PIK3R6: variants seen among roughly 807,000 people sequenced by gnomAD.
PIK3R6 encodes phosphoinositide 3-kinase regulatory subunit 6.
A neutral mutation model predicts 84.9 loss-of-function variants in PIK3R6; 91 were observed. That is an observed-to-expected ratio of 1.07 (90% CI 0.90 to 1.28). The LOEUF (loss-of-function observed/expected upper bound fraction) is 1.28, where lower values mean the gene tolerates loss of function less well. Ranked by LOEUF, PIK3R6 falls within the 50% of genes most tolerant of loss-of-function variation. The pLI is 0.00. For synonymous variants in PIK3R6, 416 were observed against 411.4 expected, an observed-to-expected ratio of 1.01 and a Z score of -0.13; for missense variants, 996 against 985.1, an observed-to-expected ratio of 1.01 and a Z score of -0.15.
At chr17:8,846,057 T>A (rs1216158909) in intron 2 of PIK3R6, among the ~76,000 whole-genome samples, 1 of 152,240 alleles carries the variant, frequency 6.6e-6, no homozygotes, top group East Asian at 1.9e-4. Context: ...AAGATTGATG[T>A]CTAGAATGGT....
chr17:8,804,219 C>T, intron 18 of PIK3R6, 66 bp from the exon 19 acceptor site: 1 of 1,316,566 alleles, frequency 7.6e-7, no homozygotes, highest in South Asian at 1.2e-5. Flanking sequence ...CCAACATGCC[C>T]TACCCTGGAA....
At chr17:8,840,813 C>T (rs1008285350) in intron 2 of PIK3R6, among the ~76,000 whole-genome samples, 7 of 151,534 alleles carry the variant, frequency 4.6e-5, no homozygotes, top group Non-Finnish European at 7.4e-5. Context: ...AGTGCAGTGG[C>T]GCAATCTTGG....
In PIK3R6 at chr17:8,835,427, A is replaced by AGGAT; in HGVS notation, c.490_491insATCC (p.Val164AspfsTer107). The AGGAT allele has an allele frequency of 6.3e-7, 1 of 1,587,620 alleles. No individual in the cohort carries two copies. The highest frequency in any genetic ancestry group is 1.1e-5 in the South Asian group (1 of 89,536). On this transcript the variant is annotated frameshift_variant, in exon 8 of 20. Coordinates refer to ENST00000619866, the MANE Select transcript of PIK3R6 (RefSeq NM_001010855.4). LOFTEE classifies it high-confidence loss of function. ...CAGAGCACTGCACACAGACGCAGAC[A>AGGAT]CCAGCTCAGGATCCACGAAGAGGAA...
chr17:8,832,514 C>T (rs1178855953), intron 9 of PIK3R6, among the ~76,000 whole-genome samples: 1 of 149,586 alleles, frequency 6.7e-6, no homozygotes, highest in East Asian at 2.0e-4. Flanking sequence ...TCCCGAGTAG[C>T]TGGGACTGCA....
Position 8,839,600 on chromosome 17 carries a change from C to A in PIK3R6, c.97+14G>T. The A allele has an allele frequency of 6.4e-7, 1 of 1,558,184 alleles. No individual in the cohort carries two copies. The highest frequency in any genetic ancestry group is 8.7e-7 in the Non-Finnish European group (1 of 1,150,508). ...GGTCAGAGGGACCAGCTGCTGCTGCCAGCTGGCTCTTACCTTGGTTGCTCT... is the reference window on the plus strand; with the variant it reads ...GGTCAGAGGGACCAGCTGCTGCTGCAAGCTGGCTCTTACCTTGGTTGCTCT... On this transcript the variant is annotated intron_variant, in intron 3 of 19. Transcript: ENST00000619866. The surrounding 1 kb of genome is among the most constrained non-coding windows in gnomAD (Gnocchi z 4.2).
chr17:8,827,763 G>GA (rs1555532361), intron 12 of PIK3R6, among the ~76,000 whole-genome samples: 5 of 34,836 alleles, frequency 1.4e-4, no homozygotes, highest in East Asian at 1.4e-3. Flanking sequence ...GAGAGAGAGA[G>GA]GAGAGAGAGA....
Position 8,838,671 on chromosome 17 carries a change from G to T in PIK3R6, c.98-16C>A, listed in dbSNP as rs756933710. 15 of 1,578,416 alleles carry T rather than the reference G, an allele frequency of 9.5e-6. No individual in the cohort carries two copies. The Admixed American group carries it at 1.1e-4, about 12-fold the overall frequency. On this transcript the variant is annotated splice_polypyrimidine_tract_variant and intron_variant, in intron 3 of 19. Transcript: ENST00000619866. The stretch of plus-strand genomic sequence containing the variant: ...CTCCACATGCCTGGGCCAGGAGAAA[G>T]GGGAGCCCGGCATGAGCAGGTGGGC...
Position 8,803,454 on chromosome 17 carries a change from A to G in PIK3R6, c.2109-25T>C. 2 of 1,577,560 alleles carry G rather than the reference A, an allele frequency of 1.3e-6. No homozygotes were observed. Among genetic ancestry groups the G allele is most frequent in the Non-Finnish European group, 1.7e-6 (2 of 1,163,262 alleles). On this transcript the variant is annotated intron_variant, in intron 19 of 19. Coordinates refer to ENST00000619866, the MANE Select transcript of PIK3R6 (RefSeq NM_001010855.4). This position sits in a 1 kb window ranked among gnomAD's most constrained non-coding sequence, Gnocchi z 5.0. ...TCTGTGGGTGGAGAGAGACCAGCTC[A>G]GGTGACCCATCTGAGGGATCAGATT...
rs1022250059 is a variant in PIK3R6 at position 8,862,631 on chromosome 17, G to T, written c.-92+4898C>A. On this transcript the variant is annotated intron_variant, in intron 1 of 19. Coordinates refer to ENST00000619866, the MANE Select transcript of PIK3R6 (RefSeq NM_001010855.4). This position sits in a 1 kb window ranked among gnomAD's most constrained non-coding sequence, Gnocchi z 4.3. ...GCTGCAATGTTTGACTGCTGCTTTT[G>T]TGCCACAAGGGCAATGTGCAAGGTA... Among the ~76,000 whole-genome samples, 3 of 152,164 alleles carry T rather than the reference G, an allele frequency of 2.0e-5. No individual in the cohort carries two copies. The highest frequency in any genetic ancestry group is 7.2e-5 in the African/African-American group (3 of 41,424).
At position 8,842,460 on chromosome 17, in the gene PIK3R6, C is replaced by G. The variant is rs536981657; in HGVS notation, c.14-2763G>C. ...CCTTCATTTGGAGTCAGATTTGCAC[C>G]AGGGTCTGACAGCTGCTCTCCCAGG... is the stretch of plus-strand genomic sequence containing the variant. On this transcript the variant is annotated intron_variant, in intron 2 of 19. Coordinates refer to ENST00000619866, the MANE Select transcript of PIK3R6 (RefSeq NM_001010855.4). The surrounding 1 kb of genome is among the most constrained non-coding windows in gnomAD (Gnocchi z 4.5). 1.3e-5 allele frequency among the ~76,000 whole-genome samples: 2 copies of G among 152,206 alleles called. No individual in the cohort carries two copies. Among genetic ancestry groups the G allele is most frequent in the Non-Finnish European group, 2.9e-5 (2 of 67,996 alleles).
At chr17:8,823,533 C>A in intron 13 of PIK3R6, 36 bp from the exon 14 acceptor site, 2 of 1,426,660 alleles carry the variant, frequency 1.4e-6, no homozygotes, top group Non-Finnish European at 9.8e-7. Context: ...CACCAACTCC[C>A]CCAAGGCCAC....
chr17:8,858,403 G>A (rs1597442440), intron 1 of PIK3R6, among the ~76,000 whole-genome samples: 1 of 133,938 alleles, frequency 7.5e-6, no homozygotes, highest in Non-Finnish European at 1.5e-5. Context: ...TGCAACCTCC[G>A]CCTCCTGGGT....
chr17:8,829,186 CAG>C (rs1022014925), intron 10 of PIK3R6, among the ~76,000 whole-genome samples, 196 bp from the exon 11 acceptor site: 5 of 129,736 alleles, frequency 3.9e-5, no homozygotes, highest in South Asian at 5.3e-4. Context: ...CAGACACAGA[CAG>C]ACATACACAC....
rs1216437716 is a variant in PIK3R6, at chr17:8,839,021, G to A, written c.98-366C>T. 1.3e-5 allele frequency among the ~76,000 whole-genome samples: 2 copies of A among 152,284 alleles called. No homozygotes were observed. Among genetic ancestry groups the A allele is most frequent in the Admixed American group, 1.3e-4 (2 of 15,296 alleles). On this transcript the variant is annotated intron_variant, in intron 3 of 19. Transcript: ENST00000619866. The surrounding 1 kb of genome is among the most constrained non-coding windows in gnomAD (Gnocchi z 4.2). Reference sequence around the variant, plus strand: ...GGCCTGGAGTGCTGAGGGGAATTAGGTTTGGAAGTGGAGCTAGGGAAGGTG... The same window carrying A: ...GGCCTGGAGTGCTGAGGGGAATTAGATTTGGAAGTGGAGCTAGGGAAGGTG...
In PIK3R6 at chr17:8,803,064, G is replaced by A; in HGVS notation, c.*209C>T. 1.7e-6 allele frequency: 1 copy of A among 581,996 alleles called. No homozygotes were observed. Among genetic ancestry groups the A allele is most frequent in the Non-Finnish European group, 3.0e-6 (1 of 331,368 alleles). The allele number at this position is 581,996 out of a possible 1,614,324, so 36.1% of individuals were successfully genotyped here. On this transcript the variant is annotated 3_prime_UTR_variant, in exon 20 of 20. Coordinates refer to ENST00000619866, the MANE Select transcript of PIK3R6 (RefSeq NM_001010855.4). The surrounding 1 kb of genome is among the most constrained non-coding windows in gnomAD (Gnocchi z 5.0). ...GTGTGTATGTTCTCAAGCAGCGACA[G>A]CATTGCCTGGGCCATCCGTAGACCT...
In PIK3R6 at chr17:8,803,485, G is replaced by T; in HGVS notation, c.2109-56C>A. 3 of 1,520,692 alleles carry T rather than the reference G, an allele frequency of 2.0e-6. No individual in the cohort carries two copies. The highest frequency in any genetic ancestry group is 2.7e-6 in the Non-Finnish European group (3 of 1,127,706). The allele number at this position is 1,520,692 out of a possible 1,614,324, so 94.2% of individuals were successfully genotyped here. On this transcript the variant is annotated intron_variant, in intron 19 of 19. Transcript: ENST00000619866. The surrounding 1 kb of genome is among the most constrained non-coding windows in gnomAD (Gnocchi z 5.0). ...CCCATCTGAGGGATCAGATTGCCTA[G>T]GGCATTTGAAAGGCAGAGCTGTTAT...
Position 8,819,178 on chromosome 17 carries a change from G to T in PIK3R6, c.1900C>A (p.Pro634Thr). The part of the protein sequence containing the change: ...DTEVSGSSHC[P>T]LPAAPVTDHT... ...TCTGTGACAGGAGCAGCAGGCAGGG[G>T]GCAATGGCTAGACCCTGAAACTGAA... The change falls in exon 18 of 20, where the codon CCC (proline) becomes ACC (threonine). Residue 634 changes from proline (P) to threonine (T), a missense_variant. Physicochemically the swap from Pro to Thr is conservative, Grantham distance 38 (BLOSUM62 -1). Transcript: ENST00000619866. 1 of 1,609,080 alleles carries T rather than the reference G, an allele frequency of 6.2e-7. No individual in the cohort carries two copies. The highest frequency in any genetic ancestry group is 8.5e-7 in the Non-Finnish European group (1 of 1,177,414).
intron 1 of PIK3R6, among the ~76,000 whole-genome samples, chr17:8,855,712 T>C (rs970191093): frequency 2.6e-5 from 4 of 152,230 alleles, no homozygotes; most frequent in African/African-American, 9.6e-5. Context: ...TCAGGAGGAA[T>C]TGGAATTCTC....
At chr17:8,820,477 C>T (rs149787933) in intron 17 of PIK3R6, among the ~76,000 whole-genome samples, 778 of 152,180 alleles carry the variant, frequency 5.1e-3, no homozygotes, top group Middle Eastern at 0.017. Context: ...AGATAGTCAG[C>T]GGCAAAGCTG....
Sources: gnomAD v4.1 joint callset for allele counts (sites outside exome capture counted in the v4.1 genomes callset) on GRCh38, gnomAD v4.1.1 for gene constraint, Gnocchi (gnomAD v3.1) non-coding constraint, MANE v1.5 for transcripts, NCBI Gene and HGNC (gene_info 2026-07-23, HGNC 2026-07-21) for gene names.